The following OR9Q1 variants were observed in gnomAD, a reference collection of about 807,000 sequenced individuals.
OR9Q1 encodes olfactory receptor 9Q1.
For synonymous variants in OR9Q1, 153 were observed against 148.6 expected (o/e 1.03, Z -0.22); for missense variants, 374 against 378.8 (o/e 0.99, Z 0.11).
At chr11:58,157,721 A>G (rs145317683) in intron 2 of OR9Q1, among the ~76,000 whole-genome samples, 1,560 of 152,328 alleles carry the variant, frequency 0.01, 13 homozygotes, top group Non-Finnish European at 0.013. Flanking sequence ...TGCTGTTTCA[A>G]TGACTAGAAG....
intron 2 of OR9Q1, among the ~76,000 whole-genome samples, chr11:58,143,754 G>C (rs1001873793): frequency 6.6e-6 from 1 of 151,934 alleles, no homozygotes; most frequent in South Asian, 2.1e-4. Flanking sequence ...ATGCTTGCTG[G>C]GCTTAATACC....
At chr11:58,090,831 G>A (rs1415376380) in intron 2 of OR9Q1, among the ~76,000 whole-genome samples, 1 of 152,120 alleles carries the variant, frequency 6.6e-6, no homozygotes, top group Non-Finnish European at 1.5e-5. Flanking sequence ...CTTGTTATTG[G>A]TCTATTCAGG....
intron 2 of OR9Q1, chr11:58,144,525 T>C (rs1590613823): frequency 1.3e-5 from 2 of 151,964 alleles, no homozygotes; most frequent in African/African-American, 4.8e-5. Context: ...TCTGAGGGGG[T>C]TCCGGTTGAA....
At chr11:58,160,737 G>A (rs945197404) in intron 2 of OR9Q1, among the ~76,000 whole-genome samples, 1 of 152,140 alleles carries the variant, frequency 6.6e-6, no homozygotes, top group Non-Finnish European at 1.5e-5. Context: ...AATATGTGAA[G>A]TTTGAGATAG....
chr11:58,081,793 C>CT (rs201892501), intron 2 of OR9Q1, among the ~76,000 whole-genome samples: 27,032 of 127,910 alleles, frequency 0.21, 2,919 homozygotes, highest in Middle Eastern at 0.33. Context: ...ATGATAGTTT[C>CT]TTTTTTTTTT....
At chr11:58,137,344 G>A (rs1326946757) in intron 2 of OR9Q1, among the ~76,000 whole-genome samples, 4 of 152,190 alleles carry the variant, frequency 2.6e-5, no homozygotes, top group South Asian at 4.2e-4. Flanking sequence ...ATGGCCCTCC[G>A]GGGGTGCAGG....
chr11:58,084,882 A>G (rs942566525), intron 2 of OR9Q1, among the ~76,000 whole-genome samples: 10 of 151,822 alleles, frequency 6.6e-5, no homozygotes, highest in Non-Finnish European at 1.3e-4. Flanking sequence ...GAACTGGAAC[A>G]AGATAAGGAT....
chr11:58,160,041 C>T (rs1469126612), intron 2 of OR9Q1, among the ~76,000 whole-genome samples: 2 of 152,202 alleles, frequency 1.3e-5, no homozygotes, highest in African/African-American at 4.8e-5. Context: ...GCCTGGCTCT[C>T]ACTTTCACTT....
chr11:58,129,369 C>G (rs1854119206), intron 2 of OR9Q1, among the ~76,000 whole-genome samples: 1 of 152,082 alleles, frequency 6.6e-6, no homozygotes, highest in South Asian at 2.1e-4. Flanking sequence ...ACTCTTGCCT[C>G]TCTATAATCC....
At chr11:58,085,031 A>G (rs1853621464) in intron 2 of OR9Q1, among the ~76,000 whole-genome samples, 3 of 152,044 alleles carry the variant, frequency 2.0e-5, no homozygotes, top group Non-Finnish European at 4.4e-5. Flanking sequence ...ATGATTCTAT[A>G]CTTAGAAAAC....
At chr11:58,128,771 A>C (rs559590284) in intron 2 of OR9Q1, among the ~76,000 whole-genome samples, 250 of 152,354 alleles carry the variant, frequency 1.6e-3, no homozygotes, top group Non-Finnish European at 3.0e-3. Flanking sequence ...TAAAATGTTA[A>C]AAATTCCATA....
chr11:58,025,340 T>C (rs1852962443), intron 1 of OR9Q1, among the ~76,000 whole-genome samples: 1 of 152,138 alleles, frequency 6.6e-6, no homozygotes, highest in Non-Finnish European at 1.5e-5. Context: ...GGGTGTGTCC[T>C]ACAGGCGCAC....
At chr11:58,150,667 C>T (rs1854342180) in intron 2 of OR9Q1, among the ~76,000 whole-genome samples, 1 of 152,118 alleles carries the variant, frequency 6.6e-6, no homozygotes, top group Admixed American at 6.6e-5. Flanking sequence ...GTAAACAAAC[C>T]TACTGTACTA....
intron 2 of OR9Q1, among the ~76,000 whole-genome samples, chr11:58,058,540 C>T (rs945530072): frequency 3.3e-5 from 5 of 152,152 alleles, no homozygotes; most frequent in East Asian, 3.9e-4. Context: ...GACCCAGCAC[C>T]GAGGGGTTAT....
chr11:58,088,119 G>T (rs1853650900), intron 2 of OR9Q1, among the ~76,000 whole-genome samples: 1 of 151,776 alleles, frequency 6.6e-6, no homozygotes, highest in Non-Finnish European at 1.5e-5. Context: ...GGGAGTACAG[G>T]CATGAGCCAC....
intron 1 of OR9Q1, among the ~76,000 whole-genome samples, chr11:58,029,282 T>C (rs1853005303): frequency 6.6e-6 from 1 of 152,180 alleles, no homozygotes; most frequent in African/African-American, 2.4e-5. Flanking sequence ...GGCTGAGGCC[T>C]GAGGGACTTA....
At chr11:58,173,821 G>T (rs1467157511) in intron 2 of OR9Q1, among the ~76,000 whole-genome samples, 2 of 152,086 alleles carry the variant, frequency 1.3e-5, no homozygotes, top group Non-Finnish European at 2.9e-5. Context: ...TGGTTATTCT[G>T]CCTGTTCACC....
chr11:58,154,124 A>G (rs1362385808), intron 2 of OR9Q1, among the ~76,000 whole-genome samples: 1 of 149,018 alleles, frequency 6.7e-6, no homozygotes, highest in Non-Finnish European at 1.5e-5. Flanking sequence ...AGGGGGAAGG[A>G]GGAGGAGGAG....
Position 58,175,105 on chromosome 11 carries a change from C to CAAAA in OR9Q1, c.-14-4307_-14-4304dup, listed in dbSNP as rs57623932. On this transcript the variant is annotated intron_variant, in intron 2 of 2. Transcript: ENST00000335397. The stretch of plus-strand genomic sequence containing the variant: ...TGGGCGACAGAGTGAGACTCTGTCT[C>CAAAA]AAAAAAAAAAAAAAAAAAAAAAGGA... 1.6e-4 allele frequency among the ~76,000 whole-genome samples: 11 copies of CAAAA among 69,218 alleles called. 1 individual carries two copies. The highest frequency in any genetic ancestry group is 7.6e-4 in the South Asian group (1 of 1,316). 45.4% of individuals were successfully genotyped at this position (69,218 alleles called of 152,430 possible).
Sources: allele counts gnomAD v4.1 joint callset (sites outside exome capture counted in the v4.1 genomes callset), GRCh38; gene constraint gnomAD v4.1.1; transcripts MANE v1.5; gene names NCBI Gene and HGNC (gene_info 2026-07-23, HGNC 2026-07-21).